DOCK11: variants seen among roughly 807,000 people sequenced by gnomAD.
The protein encoded by DOCK11 is dedicator of cytokinesis 11.
In DOCK11, 70 loss-of-function variants were observed where a neutral mutation model predicts 169.1. The observed-to-expected ratio is 0.41, with a 90% CI of 0.34 to 0.51. The LOEUF is 0.51. Ranked by LOEUF, DOCK11 falls within the 20% of genes least tolerant of loss-of-function variation. The pLI, the probability that DOCK11 is intolerant of heterozygous loss-of-function variation, is 0.10. For synonymous variants in DOCK11, 529 were observed against 541.3 expected, an observed-to-expected ratio of 0.98 and a Z score of 0.32; for missense variants, 1,166 against 1,538.8, an observed-to-expected ratio of 0.76 and a Z score of 4.05.
chrX:118,641,676 T>C (rs756199188), intron 39 of DOCK11, among the ~76,000 whole-genome samples: 16 of 111,840 alleles, frequency 1.4e-4, no homozygotes, highest in African/African-American at 5.2e-4. Context: ...GTAGATGATG[T>C]CCGGGCAGTC....
chrX:118,572,328 G>T lies in DOCK11; in HGVS notation c.1041G>T (p.Leu347Phe). 1 of 1,184,838 alleles carries T rather than the reference G, an allele frequency of 8.4e-7. No individual in the cohort carries two copies. Among genetic ancestry groups the T allele is most frequent in the Non-Finnish European group, 1.1e-6 (1 of 878,171 alleles). The change falls in exon 11 of 53, where the codon TTG becomes TTT. Residue 347 changes from leucine (L) to phenylalanine (F), a missense_variant. Transcript: ENST00000276202. The part of the protein sequence containing the change: ...LFSFDSEVQR[L>F]DFSGIEPDIK... ...TCATACTATCTCTTTTATAGAGGTT[G>T]GACTTTTCAGGAATTGAACCTGATA...
chrX:118,682,971 G>A (rs894934226), intron 51 of DOCK11, 108 bp from the exon 52 acceptor site: 1 of 746,580 alleles, frequency 1.3e-6, no homozygotes, highest in African/African-American at 2.2e-5. Context: ...AGAGGATTCT[G>A]ATCTTCTTCC....
chrX:118,532,877 C>G (rs373302723), intron 1 of DOCK11, among the ~76,000 whole-genome samples: 1 of 108,721 alleles, frequency 9.2e-6, no homozygotes, highest in Non-Finnish European at 1.9e-5. Context: ...TGTTATACCA[C>G]AAGGTGGAGC....
intron 46 of DOCK11, among the ~76,000 whole-genome samples, chrX:118,672,727 G>A (rs777674991): frequency 4.4e-5 from 5 of 113,219 alleles, no homozygotes; most frequent in African/African-American, 9.6e-5. Context: ...GAGCCACCGT[G>A]CCCGGCCTGG....
At chrX:118,578,428 G>C in intron 12 of DOCK11, 97 bp from the exon 13 acceptor site, 1 of 975,933 alleles carries the variant, frequency 1.0e-6, no homozygotes, top group East Asian at 3.4e-5. Context: ...ATGATCCTTT[G>C]TTGAATATGA....
chrX:118,653,540 G>A, intron 42 of DOCK11, among the ~76,000 whole-genome samples: 1 of 110,933 alleles, frequency 9.0e-6, no homozygotes, highest in Non-Finnish European at 1.9e-5. Context: ...AGCCTCCCGA[G>A]TAGCTGGGAT....
intron 40 of DOCK11, among the ~76,000 whole-genome samples, chrX:118,646,011 G>A (rs908912680): frequency 3.0e-5 from 3 of 100,459 alleles, no homozygotes; most frequent in Non-Finnish European, 4.0e-5. Flanking sequence ...AGCCGAGATC[G>A]CGCCATTGCG....
intron 1 of DOCK11, among the ~76,000 whole-genome samples, chrX:118,542,297 A>G (rs2012040548): frequency 9.2e-6 from 1 of 108,794 alleles, no homozygotes; most frequent in Admixed American, 9.9e-5. Context: ...CAGCCTCCCG[A>G]GTGGCTGGGA....
rs751836562 is a variant in DOCK11 at position 118,667,229 on chromosome X, A to G, written c.5077-3794A>G. On this transcript the variant is annotated intron_variant, in intron 45 of 52. Coordinates refer to ENST00000276202, the MANE Select transcript of DOCK11 (RefSeq NM_144658.4). ...TTTGGTTTTGGTTGTAATTGATGAA[A>G]TCCAGTTTATTATTTTATAATAATT... is the stretch of plus-strand genomic sequence containing the variant. Among the ~76,000 whole-genome samples the G allele has an allele frequency of 3.7e-3, 406 of 111,074 alleles. 1 individual carries two copies. Among genetic ancestry groups the G allele is most frequent in the Non-Finnish European group, 6.0e-3 (319 of 52,946 alleles).
At chrX:118,531,412 C>CAAAAAAA (rs60932296) in intron 1 of DOCK11, among the ~76,000 whole-genome samples, 5 of 29,205 alleles carry the variant, frequency 1.7e-4, no homozygotes, top group African/African-American at 2.5e-4. Flanking sequence ...GCCATATACT[C>CAAAAAAA]AAAAAAAAAA....
chrX:118,522,755 G>A (rs1188786778), intron 1 of DOCK11, among the ~76,000 whole-genome samples: 2 of 111,410 alleles, frequency 1.8e-5, no homozygotes, highest in South Asian at 3.7e-4. Context: ...TGATTAGGTC[G>A]GGCCCACCTG....
Position 118,585,092 on chromosome X carries a change from A to G in DOCK11, c.1770A>G (p.Val590=), listed in dbSNP as rs777431801. ...QIIPGQLNIT[V]ECVPVDLSNC... is the part of the protein sequence containing the mutation. ...TTCCTGGGCAGCTAAACATCACAGTAGAATGTGTTCCTGTGGATTTATCAA... is the reference window on the plus strand; with the variant it reads ...TTCCTGGGCAGCTAAACATCACAGTGGAATGTGTTCCTGTGGATTTATCAA... The change falls in exon 16 of 53, where the codon GTA becomes GTG. Residue 590 remains valine (V), a synonymous_variant. Coordinates refer to ENST00000276202, the MANE Select transcript of DOCK11 (RefSeq NM_144658.4). 1 of 1,208,910 alleles carries G rather than the reference A, an allele frequency of 8.3e-7. No individual in the cohort carries two copies. The highest frequency in any genetic ancestry group is 1.1e-6 in the Non-Finnish European group (1 of 892,893).
chrX:118,548,255 G>T (rs749223016), intron 6 of DOCK11, among the ~76,000 whole-genome samples: 1 of 111,822 alleles, frequency 8.9e-6, no homozygotes, highest in Admixed American at 9.6e-5. Context: ...AATTTTGTAG[G>T]AGTCCATATA....
At chrX:118,587,114 A>G (rs2013839703) in intron 16 of DOCK11, among the ~76,000 whole-genome samples, 1 of 112,217 alleles carries the variant, frequency 8.9e-6, no homozygotes, top group Admixed American at 9.4e-5. Context: ...ATCAGAATCC[A>G]ACACTGTCAG....
At chrX:118,510,520 C>T (rs1423657486) in intron 1 of DOCK11, among the ~76,000 whole-genome samples, 2 of 111,666 alleles carry the variant, frequency 1.8e-5, no homozygotes, top group African/African-American at 6.5e-5. Flanking sequence ...ACTTTGCGGG[C>T]ATTTAGCCAG....
At chrX:118,614,943 G>GA (rs1225492639) in intron 29 of DOCK11, among the ~76,000 whole-genome samples, 168 bp downstream of exon 29, 35 of 111,886 alleles carry the variant, frequency 3.1e-4, no homozygotes, top group African/African-American at 1.1e-3. Context: ...GGGTCCCCAG[G>GA]ACCCCCCATG....
At chrX:118,685,531 TA>T (rs2016838602) in intron 52 of DOCK11, 156 bp from the exon 53 acceptor site, 2 of 625,827 alleles carry the variant, frequency 3.2e-6, no homozygotes. Flanking sequence ...TTTGAAGACT[TA>T]AGTCGGTAAT....
intron 6 of DOCK11, among the ~76,000 whole-genome samples, chrX:118,557,162 A>G (rs769673733): frequency 8.9e-6 from 1 of 111,797 alleles, no homozygotes; most frequent in African/African-American, 3.2e-5. Flanking sequence ...AGTAGATGAA[A>G]CATGAAACTT....
chrX:118,630,575 C>A, intron 35 of DOCK11, 85 bp downstream of exon 35: 1 of 530,629 alleles, frequency 1.9e-6, no homozygotes, highest in Non-Finnish European at 3.1e-6. Flanking sequence ...ATTTGATCAT[C>A]ATCTGGAGGC....
Sources: gnomAD v4.1 joint callset for allele counts (sites outside exome capture counted in the v4.1 genomes callset) on GRCh38, gnomAD v4.1.1 for gene constraint, MANE v1.5 for transcripts, NCBI Gene and HGNC (gene_info 2026-07-23, HGNC 2026-07-21) for gene names.